SLC12A4: variants seen among roughly 807,000 people sequenced by gnomAD.
The protein encoded by SLC12A4 is electroneutral potassium-chloride cotransporter 1.
Under a neutral mutation model 119.2 loss-of-function variants are expected in SLC12A4, and 84 were observed. The ratio of observed to expected loss-of-function variants is 0.70; its 90% CI spans 0.59 to 0.85. The LOEUF is 0.85. Among genes scored for constraint, SLC12A4 ranks in the 40% least tolerant of loss-of-function variants. SLC12A4 has a pLI of 0.00. For synonymous variants in SLC12A4, 599 were observed against 604.6 expected, an observed-to-expected ratio of 0.99 and a Z score of 0.14; for missense variants, 1,298 against 1,476.3, an observed-to-expected ratio of 0.88 and a Z score of 1.98.
chr16:67,966,662 C>G, intron 1 of SLC12A4: 1 of 1,497,932 alleles, frequency 6.7e-7, no homozygotes, highest in Non-Finnish European at 9.1e-7. Flanking sequence ...GGGCACTGAA[C>G]TGGGGAAGGG....
chr16:67,967,000 C>T, intron 1 of SLC12A4: 1 of 929,678 alleles, frequency 1.1e-6, no homozygotes, highest in South Asian at 1.9e-5. Context: ...GGGGATGCAG[C>T]CCAGTCTACC....
rs185741890 is a variant in SLC12A4, at chr16:67,961,295, G to C, written c.342+280C>G. Among the ~76,000 whole-genome samples, 39 of 152,278 alleles carry C rather than the reference G, an allele frequency of 2.6e-4. 1 individual carries two copies. Among genetic ancestry groups the C allele is most frequent in the Admixed American group, 2.5e-3 (38 of 15,300 alleles). ...AGATGACATATGAGAACCCAGGCCT[G>C]GTGTGGTACCTCGCACACAGTAAAG... On this transcript the variant is annotated intron_variant, in intron 3 of 23. Transcript: ENST00000316341.
chr16:67,949,587 G>A lies in SLC12A4; in HGVS notation c.1748+213C>T, dbSNP rs1379570067. On this transcript the variant is annotated intron_variant, in intron 13 of 23. Coordinates refer to ENST00000316341, the MANE Select transcript of SLC12A4 (RefSeq NM_005072.5). This position sits in a 1 kb window ranked among gnomAD's most constrained non-coding sequence, Gnocchi z 4.6. ...GGCCACCTGCTCTGGGGGCCTCAGG[G>A]AGGTGTGGACATATTGGTCACCTTA... The A allele has an allele frequency of 6.3e-6, 3 of 472,920 alleles. No individual in the cohort carries two copies. The highest frequency in any genetic ancestry group is 4.0e-5 in the East Asian group (1 of 24,728). The allele number at this position is 472,920 out of a possible 1,614,324, so 29.3% of individuals were successfully genotyped here.
intron 3 of SLC12A4, among the ~76,000 whole-genome samples, chr16:67,960,846 C>T (rs2030523879): frequency 6.6e-6 from 1 of 151,944 alleles, no homozygotes; most frequent in South Asian, 2.1e-4. Context: ...AAAAGTGGGA[C>T]AGGAAAGCCC....
rs1423242548 is a variant in SLC12A4 at position 67,945,097 on chromosome 16, G to A, written c.3156C>T (p.Gly1052=). The part of the protein sequence containing the change: ...NMPGPPRNSE[G]DENYMEFLEV... ...TCCACAAAGGGATACAGTTCTCGTC[G>A]CCCTCACTGTTCCTGGGTGGGCCAG... The change falls in exon 23 of 24, where the codon GGC becomes GGT. Residue 1052 remains glycine (G), a synonymous_variant. Coordinates refer to ENST00000316341, the MANE Select transcript of SLC12A4 (RefSeq NM_005072.5). 1.1e-5 allele frequency: 18 copies of A among 1,581,824 alleles called. No individual in the cohort carries two copies. The highest frequency in any genetic ancestry group is 1.7e-4 in the Middle Eastern group (1 of 5,938).
At chr16:67,968,679 C>A, upstream of SLC12A4, 1 of 1,262,972 alleles carries the variant, frequency 7.9e-7, no homozygotes, top group South Asian at 2.7e-5. Context: ...CTCACTTCCT[C>A]CGCCCGCCCC....
At chr16:67,953,826 A>C (rs954553835) in intron 6 of SLC12A4, among the ~76,000 whole-genome samples, 1 of 152,220 alleles carries the variant, frequency 6.6e-6, no homozygotes, top group African/African-American at 2.4e-5. Flanking sequence ...ATTACAACCC[A>C]AAGAATAAAG....
In SLC12A4 at chr16:67,946,071, C is replaced by T. The variant is rs1465261124; in HGVS notation, c.2619G>A (p.Lys873=). The change falls in exon 20 of 24, where the codon AAG becomes AAA. Residue 873 remains lysine, a synonymous_variant. Coordinates refer to ENST00000316341, the MANE Select transcript of SLC12A4 (RefSeq NM_005072.5). The part of the protein sequence containing the change: ...FLLRQHKVWR[K]CRMRIFTVAQ... ...CCACTGTGAAGATGCGCATCCGGCA[C>T]TTCCTCCAGACCTGAGGCAAGGGAC... 1 of 1,613,898 alleles carries T rather than the reference C, an allele frequency of 6.2e-7. No homozygotes were observed. Among genetic ancestry groups the T allele is most frequent in the Non-Finnish European group, 8.5e-7 (1 of 1,179,930 alleles).
At chr16:67,952,562 G>A in intron 6 of SLC12A4, 137 bp from the exon 7 acceptor site, 1 of 871,520 alleles carries the variant, frequency 1.1e-6, no homozygotes. Context: ...CACTTTGGGA[G>A]GCTGAGGTGG....
Position 67,957,995 on chromosome 16 carries a change from T to C in SLC12A4, c.392A>G (p.Asn131Ser), listed in dbSNP as rs781658545. The C allele has an allele frequency of 1.9e-6, 3 of 1,614,042 alleles. No individual in the cohort carries two copies. The highest frequency in any genetic ancestry group is 2.5e-6 in the Non-Finnish European group (3 of 1,180,026). Residue 131 changes from asparagine to serine, a missense_variant, in exon 4 of 24, where the codon AAT (asparagine) becomes AGT (serine). Physicochemically the swap from Asn to Ser is conservative, Grantham distance 46. Coordinates refer to ENST00000316341, the MANE Select transcript of SLC12A4 (RefSeq NM_005072.5). The part of the protein sequence containing the change: ...LMGVYLPCLQ[N>S]IFGVILFLRL... ...CAGGAAGAGGATAACCCCAAAGATA[T>C]TCTGCAGGCAGGGCAGGTACACCCC...
intron 3 of SLC12A4, among the ~76,000 whole-genome samples, chr16:67,960,847 A>T (rs1018354744): frequency 6.6e-6 from 1 of 152,016 alleles, no homozygotes; most frequent in Non-Finnish European, 1.5e-5. Flanking sequence ...AAAGTGGGAC[A>T]GGAAAGCCCC....
At chr16:67,960,342 C>T (rs1423868939) in intron 3 of SLC12A4, among the ~76,000 whole-genome samples, 1 of 152,168 alleles carries the variant, frequency 6.6e-6, no homozygotes, top group African/African-American at 2.4e-5. Context: ...TGGCCAGACG[C>T]AGTTAGGGTT....
chr16:67,946,165 G>C lies in SLC12A4; in HGVS notation c.2607+6C>G. The C allele has an allele frequency of 1.2e-6, 2 of 1,613,844 alleles. No individual in the cohort carries two copies. The highest frequency in any genetic ancestry group is 1.7e-6 in the Non-Finnish European group (2 of 1,179,982). The stretch of plus-strand genomic sequence containing the variant: ...CCCTCTCATCTGCACCCACCCCCTG[G>C]TCTACCTTATGCTGGCGCAGCAGGA... On this transcript the variant is annotated splice_donor_region_variant and intron_variant, in intron 19 of 23. Transcript: ENST00000316341.
chr16:67,945,248 C>T (rs759423563), intron 22 of SLC12A4, 28 bp from the exon 23 acceptor site: 78 of 1,550,748 alleles, frequency 5.0e-5, no homozygotes, highest in East Asian at 1.8e-4. Context: ...AGTCACAGGT[C>T]GCCATGAGCC....
rs2058313031 is a variant in SLC12A4, at chr16:67,943,997, G to A, written c.*843C>T. On this transcript the variant is annotated 3_prime_UTR_variant, in exon 24 of 24. Coordinates refer to ENST00000316341, the MANE Select transcript of SLC12A4 (RefSeq NM_005072.5). This position sits in a 1 kb window ranked among gnomAD's most constrained non-coding sequence, Gnocchi z 4.6. Reference sequence around the variant, plus strand: ...TACTGAGCTCAGCCTTGGGCGTGGTGTGCGGGGGGAAGAGCACATTGAGGA... The same window carrying A: ...TACTGAGCTCAGCCTTGGGCGTGGTATGCGGGGGGAAGAGCACATTGAGGA... 1 of 1,548,738 alleles carries A rather than the reference G, an allele frequency of 6.5e-7. No homozygotes were observed. Among genetic ancestry groups the A allele is most frequent in the Non-Finnish European group, 8.7e-7 (1 of 1,145,970 alleles).
chr16:67,948,038 C>T, intron 14 of SLC12A4, 23 bp downstream of exon 14: 1 of 1,610,622 alleles, frequency 6.2e-7, no homozygotes, highest in Non-Finnish European at 8.5e-7. Context: ...CCCAGGGTCT[C>T]CCGTGTCAGA....
Position 67,950,185 on chromosome 16 carries a change from C to T in SLC12A4, c.1629+134G>A. On this transcript the variant is annotated intron_variant, in intron 12 of 23. Coordinates refer to ENST00000316341, the MANE Select transcript of SLC12A4 (RefSeq NM_005072.5). The surrounding 1 kb of genome is among the most constrained non-coding windows in gnomAD (Gnocchi z 4.3). Reference sequence around the variant, plus strand: ...CCAGGCCCAGGGCACTTCTCAGTAGCTCCTCATGGATGGCCGCCTGGCCCC... The same window carrying T: ...CCAGGCCCAGGGCACTTCTCAGTAGTTCCTCATGGATGGCCGCCTGGCCCC... 9.3e-7 allele frequency: 1 copy of T among 1,075,976 alleles called. No individual in the cohort carries two copies. The highest frequency in any genetic ancestry group is 1.3e-6 in the Non-Finnish European group (1 of 757,374). The allele number at this position is 1,075,976 out of a possible 1,614,324, so 66.7% of individuals were successfully genotyped here. A position where few individuals can be genotyped will look rare whatever the true frequency, so the allele number is the denominator to read the frequency against.
At chr16:67,947,230 G>A (rs1230862283) in intron 16 of SLC12A4, 101 bp downstream of exon 16, 9 of 1,493,682 alleles carry the variant, frequency 6.0e-6, no homozygotes, top group Admixed American at 3.9e-5. Context: ...AGGGTGCCCC[G>A]GGCAGCCCCA....
intron 6 of SLC12A4, chr16:67,954,201 G>A (rs1159332942): frequency 5.4e-6 from 2 of 367,344 alleles, no homozygotes; most frequent in South Asian, 2.0e-5. Context: ...CCTCCAGCAG[G>A]GTTCTGTGGC....
Sources: allele counts gnomAD v4.1 joint callset (sites outside exome capture counted in the v4.1 genomes callset), GRCh38; gene constraint gnomAD v4.1.1; non-coding constraint Gnocchi (gnomAD v3.1); transcripts MANE v1.5; gene names NCBI Gene and HGNC (gene_info 2026-07-23, HGNC 2026-07-21).